The following CSMD1 variants were observed in gnomAD, a reference collection of about 807,000 sequenced individuals.
CSMD1 encodes CUB and sushi domain-containing protein 1.
In CSMD1, 213 loss-of-function variants were observed where a neutral mutation model predicts 417.5. The ratio of observed to expected loss-of-function variants is 0.51; its 90% CI spans 0.46 to 0.57. CSMD1 has a LOEUF of 0.57. Among genes scored for constraint, CSMD1 ranks in the 20% least tolerant of loss-of-function variants. CSMD1 has a pLI of 0.00. For synonymous variants in CSMD1, 2,862 were observed against 1,736.8 expected (o/e 1.65, Z -16.11); for missense variants, 6,923 against 4,529.7 (o/e 1.53, Z -15.17).
chr8:3,136,514 C>T (rs2129028991), intron 41 of CSMD1, among the ~76,000 whole-genome samples: 1 of 152,230 alleles, frequency 6.6e-6, no homozygotes, highest in South Asian at 2.1e-4. Flanking sequence ...ATCTACCCAC[C>T]TCGGCCTCCC....
intron 9 of CSMD1, 37 bp from the exon 10 acceptor site, chr8:3,575,103 A>G (rs1434609748): frequency 2.5e-6 from 4 of 1,605,292 alleles, no homozygotes; most frequent in Admixed American, 1.7e-5. Flanking sequence ...TTTCTACAAC[A>G]TTGTGTCAGT....
intron 1 of CSMD1, among the ~76,000 whole-genome samples, chr8:4,785,202 C>T (rs900371360): frequency 6.6e-6 from 1 of 152,130 alleles, no homozygotes; most frequent in Admixed American, 6.5e-5. Flanking sequence ...TTCTGCTGCT[C>T]CTAGAAGATT....
chr8:3,894,298 C>G (rs985721795), intron 5 of CSMD1, among the ~76,000 whole-genome samples: 2 of 152,124 alleles, frequency 1.3e-5, no homozygotes, highest in African/African-American at 4.8e-5. Context: ...CTGTCTCGCT[C>G]CAGTCTCATC....
intron 3 of CSMD1, among the ~76,000 whole-genome samples, chr8:4,210,219 C>T (rs73496564): frequency 1.3e-5 from 2 of 152,190 alleles, no homozygotes; most frequent in Non-Finnish European, 2.9e-5. Flanking sequence ...AGCCAGCATG[C>T]TGGGCATGAC....
intron 1 of CSMD1, among the ~76,000 whole-genome samples, chr8:4,824,105 C>T (rs1799677062): frequency 6.6e-6 from 1 of 151,666 alleles, no homozygotes; most frequent in Non-Finnish European, 1.5e-5. Context: ...CACACACACA[C>T]ACACACTCTC....
chr8:3,210,794 C>G (rs893922033), intron 30 of CSMD1, among the ~76,000 whole-genome samples: 1 of 151,408 alleles, frequency 6.6e-6, no homozygotes, highest in Non-Finnish European at 1.5e-5. Context: ...TTTTCTATGG[C>G]TAAAGTTTTA....
chr8:4,012,683 C>G (rs1796327245), intron 4 of CSMD1, among the ~76,000 whole-genome samples: 1 of 152,084 alleles, frequency 6.6e-6, no homozygotes. Context: ...TTTATGTATC[C>G]AACTCCCTAT....
At chr8:4,312,410 T>TATATATATAC (rs1563435181) in intron 3 of CSMD1, among the ~76,000 whole-genome samples, 43 of 124,524 alleles carry the variant, frequency 3.5e-4, no homozygotes, top group African/African-American at 2.1e-3. Context: ...TATATATGCG[T>TATATATATAC]GTATATATAT....
chr8:4,062,171 A>G (rs2130742118), intron 3 of CSMD1, among the ~76,000 whole-genome samples: 1 of 152,246 alleles, frequency 6.6e-6, no homozygotes, highest in Middle Eastern at 3.4e-3. Flanking sequence ...AACACGCAAG[A>G]CTTGCCAAGT....
intron 3 of CSMD1, among the ~76,000 whole-genome samples, chr8:4,140,039 A>T (rs1422328015): frequency 1.3e-5 from 2 of 150,908 alleles, no homozygotes; most frequent in Admixed American, 1.3e-4. Flanking sequence ...GGAAGGATAG[A>T]AGACACATTT....
chr8:4,339,382 G>C (rs1390804203), intron 3 of CSMD1, among the ~76,000 whole-genome samples: 1 of 151,986 alleles, frequency 6.6e-6, no homozygotes, highest in African/African-American at 2.4e-5. Context: ...TTTTTATCTT[G>C]TCATGCCCTG....
chr8:4,990,217 C>T (rs1320569192), intron 1 of CSMD1, among the ~76,000 whole-genome samples: 3 of 152,220 alleles, frequency 2.0e-5, no homozygotes, highest in Non-Finnish European at 4.4e-5. Flanking sequence ...CGACTAACTA[C>T]ATGAGTGCTC....
chr8:4,912,850 A>T (rs1230698066), intron 1 of CSMD1, among the ~76,000 whole-genome samples: 1 of 152,178 alleles, frequency 6.6e-6, no homozygotes, highest in East Asian at 1.9e-4. Flanking sequence ...CAGTGGTGCA[A>T]CCTTGGCTTA....
chr8:4,877,304 C>G (rs369951345), intron 1 of CSMD1, among the ~76,000 whole-genome samples: 5 of 151,908 alleles, frequency 3.3e-5, no homozygotes, highest in African/African-American at 1.2e-4. Flanking sequence ...ATAAGATTGG[C>G]TGCATTTAAA....
intron 55 of CSMD1, among the ~76,000 whole-genome samples, 165 bp from the exon 56 acceptor site, chr8:2,974,789 A>G (rs917208762): frequency 3.3e-5 from 5 of 152,190 alleles, no homozygotes; most frequent in African/African-American, 1.2e-4. Context: ...TTCAGATGAC[A>G]CTTCCTCCCC....
chr8:3,626,852 A>G (rs1157037363), intron 7 of CSMD1, among the ~76,000 whole-genome samples: 2 of 149,590 alleles, frequency 1.3e-5, no homozygotes, highest in Non-Finnish European at 3.0e-5. Flanking sequence ...TACAATAAAT[A>G]AGTGTATTTA....
intron 8 of CSMD1, among the ~76,000 whole-genome samples, chr8:3,604,854 G>T (rs1029834528): frequency 6.6e-6 from 1 of 152,072 alleles, no homozygotes; most frequent in Non-Finnish European, 1.5e-5. Context: ...AGTTATCTAG[G>T]GGGCTCTAGC....
rs533116401 is a variant in CSMD1, at chr8:4,684,885, A to G, written c.86-47327T>C. ...CTACTCTTTCTTCTTCTACTAATCA[A>G]TCACTTACTCAACAAAACTGTAAAA... On this transcript the variant is annotated intron_variant, in intron 1 of 69. Transcript: ENST00000635120. Among the ~76,000 whole-genome samples the G allele has an allele frequency of 3.3e-5, 5 of 152,348 alleles. No homozygotes were observed. The East Asian group carries it at 9.6e-4, about 29-fold the overall frequency.
chr8:4,124,886 G>C (rs1324198737), intron 3 of CSMD1, among the ~76,000 whole-genome samples: 2 of 152,144 alleles, frequency 1.3e-5, no homozygotes, highest in Non-Finnish European at 2.9e-5. Flanking sequence ...AGGAAAAGCG[G>C]AGGGGTTATA....
Sources: allele counts gnomAD v4.1 joint callset (sites outside exome capture counted in the v4.1 genomes callset), GRCh38; gene constraint gnomAD v4.1.1; transcripts MANE v1.5; gene names NCBI Gene and HGNC (gene_info 2026-07-23, HGNC 2026-07-21).